Variants in C4orf36 observed in about 807,000 individuals in gnomAD.
C4orf36 encodes the protein uncharacterized protein C4orf36.
C4orf36 carries 11 observed loss-of-function variants against 12.2 expected under a neutral mutation model. The observed-to-expected ratio is 0.90, with a 90% CI of 0.57 to 1.49. C4orf36 has a LOEUF of 1.49. C4orf36 is among the 40% of genes most tolerant of loss of function. The pLI is 0.00. For missense variants in C4orf36, 137 were observed against 133.9 expected, an observed-to-expected ratio of 1.02 and a Z score of -0.11; for synonymous variants, 54 against 51.3, an observed-to-expected ratio of 1.05 and a Z score of -0.22.
the C4orf36 span, among the ~76,000 whole-genome samples, chr4:86,928,781 A>G: frequency 1.3e-5 from 2 of 152,200 alleles, no homozygotes; most frequent in African/African-American, 4.8e-5. Context: ...TATGAACTCT[A>G]TGACTTTGGG....
the C4orf36 span, chr4:86,934,963 A>G: frequency 3.3e-5 from 5 of 151,854 alleles, no homozygotes; most frequent in South Asian, 6.2e-4. Context: ...CCTCGCGCGG[A>G]GGGCGTGGCC....
the C4orf36 span, among the ~76,000 whole-genome samples, chr4:86,901,250 G>A: frequency 6.6e-6 from 1 of 151,972 alleles, no homozygotes; most frequent in East Asian, 2.0e-4. Context: ...CCAAAGTGCT[G>A]GGAATACAGG....
chr4:86,892,457 G>A, upstream of C4orf36: 1 of 985,428 alleles, frequency 1.0e-6, no homozygotes, highest in Non-Finnish European at 1.2e-6. Context: ...CCTCAACAAA[G>A]GGCTTTGTGG....
chr4:86,914,032 C>T, the C4orf36 span: 2 of 1,609,404 alleles, frequency 1.2e-6, no homozygotes, highest in South Asian at 1.1e-5. Flanking sequence ...AGCAAAACGT[C>T]GTTGGGATGG....
intron 4 of C4orf36, among the ~76,000 whole-genome samples, chr4:86,881,937 CAA>C (rs774131166): frequency 1.1e-4 from 17 of 152,318 alleles, no homozygotes; most frequent in Non-Finnish European, 1.9e-4. Flanking sequence ...CTCAGCCTCC[CAA>C]AGTGCTGGGA....
chr4:86,899,248 A>G, the C4orf36 span, among the ~76,000 whole-genome samples: 1 of 152,168 alleles, frequency 6.6e-6, no homozygotes, highest in East Asian at 1.9e-4. Context: ...CAATAAGTCA[A>G]AGGACACCCC....
intron 2 of C4orf36, chr4:86,890,070 T>C (rs552632046): frequency 2.2e-6 from 1 of 454,274 alleles, no homozygotes; most frequent in East Asian, 7.0e-5. Context: ...TGTGTGCCTG[T>C]GGTCCCAGCT....
chr4:86,917,715 T>G, the C4orf36 span, among the ~76,000 whole-genome samples: 5 of 152,300 alleles, frequency 3.3e-5, no homozygotes, highest in South Asian at 1.0e-3. Context: ...AAGTGTGTTG[T>G]TAGCTGATTT....
the C4orf36 span, among the ~76,000 whole-genome samples, chr4:86,921,568 A>C: frequency 6.6e-6 from 1 of 152,194 alleles, no homozygotes; most frequent in Non-Finnish European, 1.5e-5. Flanking sequence ...TACAATTTAG[A>C]CTTTAGCTAA....
At chr4:86,880,548 C>A (rs1747028826) in intron 4 of C4orf36, among the ~76,000 whole-genome samples, 2 of 152,144 alleles carry the variant, frequency 1.3e-5, no homozygotes, top group South Asian at 4.1e-4. Flanking sequence ...CTATGTGTGG[C>A]AAAACTGTCC....
At chr4:86,920,829 G>T in the C4orf36 span, among the ~76,000 whole-genome samples, 2 of 152,054 alleles carry the variant, frequency 1.3e-5, no homozygotes, top group African/African-American at 4.8e-5. Context: ...TGTTGTATTG[G>T]GGATTAAGTT....
the C4orf36 span, among the ~76,000 whole-genome samples, chr4:86,912,005 C>A: frequency 6.6e-6 from 1 of 152,200 alleles, no homozygotes; most frequent in African/African-American, 2.4e-5. Flanking sequence ...GGATTACAGG[C>A]ATGTGCCACC....
chr4:86,928,303 T>C, the C4orf36 span, among the ~76,000 whole-genome samples: 3 of 152,272 alleles, frequency 2.0e-5, no homozygotes, highest in African/African-American at 4.8e-5. Flanking sequence ...GGGCTGTTCA[T>C]TGGGATCTGT....
At chr4:86,909,523 A>G in the C4orf36 span, among the ~76,000 whole-genome samples, 7 of 152,206 alleles carry the variant, frequency 4.6e-5, no homozygotes. Flanking sequence ...GAATTTCTAT[A>G]TCTCAGTGCG....
Position 86,888,127 on chromosome 4 carries a change from C to T in C4orf36, c.214G>A (p.Ala72Thr). ...TTIKDGLLPS[A>T]ESIKLEREYE... The stretch of plus-strand genomic sequence containing the variant: ...CAGAACTTAAGGAACTTACATTCTG[C>T]AGAAGGGAGCAGTCCATCTTTAATG... Residue 72 changes from alanine to threonine, a missense_variant, in exon 3 of 5, where the codon GCA (alanine) becomes ACA (threonine). Physicochemically the swap from Ala to Thr is moderately conservative, Grantham distance 58. Transcript: ENST00000295898. 3.1e-6 allele frequency: 5 copies of T among 1,611,306 alleles called. No homozygotes were observed. Among genetic ancestry groups the T allele is most frequent in the Non-Finnish European group, 3.4e-6 (4 of 1,178,892 alleles).
chr4:86,914,550 G>A, the C4orf36 span: 39 of 414,768 alleles, frequency 9.4e-5, no homozygotes, highest in South Asian at 6.7e-4. Context: ...ACAGGCGCCC[G>A]CCACACCATG....
At chr4:86,910,837 G>A in the C4orf36 span, among the ~76,000 whole-genome samples, 14 of 152,188 alleles carry the variant, frequency 9.2e-5, no homozygotes, top group East Asian at 1.9e-4. Flanking sequence ...AGGCCGAGGC[G>A]GGTGGATCAC....
intron 2 of C4orf36, 39 bp downstream of exon 2, chr4:86,891,417 A>G (rs1747408637): frequency 1.3e-5 from 21 of 1,557,434 alleles, no homozygotes; most frequent in Non-Finnish European, 1.8e-5. Flanking sequence ...CACCGCAGTC[A>G]ATGCTTACCC....
the C4orf36 span, among the ~76,000 whole-genome samples, chr4:86,919,904 G>A: frequency 6.6e-6 from 1 of 152,008 alleles, no homozygotes; most frequent in Non-Finnish European, 1.5e-5. Flanking sequence ...GAGTGGGGGA[G>A]TAGCATCCCA....
Sources: allele counts gnomAD v4.1 joint callset (sites outside exome capture counted in the v4.1 genomes callset), GRCh38; gene constraint gnomAD v4.1.1; transcripts MANE v1.5; gene names NCBI Gene and HGNC (gene_info 2026-07-23, HGNC 2026-07-21).